JMJD6: variants seen among roughly 807,000 people sequenced by gnomAD.
The protein encoded by JMJD6 is bifunctional arginine demethylase and lysyl-hydroxylase JMJD6.
JMJD6 carries 17 observed loss-of-function variants against 45.8 expected under a neutral mutation model. That is an observed-to-expected ratio of 0.37 (90% CI 0.25 to 0.56). The LOEUF (loss-of-function observed/expected upper bound fraction) is 0.56, where lower values mean the gene tolerates loss of function less well. Among genes scored for constraint, JMJD6 ranks in the 20% least tolerant of loss-of-function variants. JMJD6 has a pLI of 0.79. For missense variants in JMJD6, 470 were observed against 517.5 expected (o/e 0.91, Z 0.89); for synonymous variants, 221 against 196.3 (o/e 1.13, Z -1.05).
chr17:76,721,179 TC>T, intron 4 of JMJD6: 1 of 247,976 alleles, frequency 4.0e-6, no homozygotes, highest in Non-Finnish European at 8.9e-6. Flanking sequence ...TGCCCAAGAG[TC>T]CAGGGAGAAC....
chr17:76,720,535 A>G (rs775736690), intron 4 of JMJD6, 37 bp from the exon 5 acceptor site: 2 of 1,606,646 alleles, frequency 1.2e-6, no homozygotes, highest in South Asian at 1.1e-5. Context: ...GTGCACTGAC[A>G]GCCATACCCA....
intron 4 of JMJD6, chr17:76,721,458 A>G: frequency 3.2e-6 from 1 of 310,516 alleles, no homozygotes. Context: ...GGTAAGAAAA[A>G]GAAACAACCC....
rs1373290967 is a variant in JMJD6, at chr17:76,721,953, C to T, written c.806-20G>A. 6.2e-7 allele frequency: 1 copy of T among 1,613,420 alleles called. No individual in the cohort carries two copies. The highest frequency in any genetic ancestry group is 8.5e-7 in the Non-Finnish European group (1 of 1,179,586). On this transcript the variant is annotated intron_variant, in intron 3 of 5. Transcript: ENST00000397625. ...AGCCTCCTGAAATCCAACAAATAAA[C>T]AGTTAAACAAGGTTTGATCCTATAC... is the stretch of plus-strand genomic sequence containing the variant.
intron 1 of JMJD6, 59 bp downstream of exon 1, chr17:76,726,288 G>C (rs1488180978): frequency 2.0e-6 from 3 of 1,513,408 alleles, no homozygotes; most frequent in African/African-American, 2.9e-5. Flanking sequence ...CCAGAGAAAG[G>C]TGCGTAGCGG....
At chr17:76,720,878 TCTTTC>T (rs2076815410) in intron 4 of JMJD6, among the ~76,000 whole-genome samples, 1 of 152,212 alleles carries the variant, frequency 6.6e-6, no homozygotes, top group Non-Finnish European at 1.5e-5. Context: ...TTTAAAAAAA[TCTTTC>T]CTTTCCACAG....
At chr17:76,718,932 A>C (rs1251782774) in intron 5 of JMJD6, 72 bp from the exon 6 acceptor site, 58 of 1,454,766 alleles carry the variant, frequency 4.0e-5, no homozygotes, top group Non-Finnish European at 9.4e-7. Flanking sequence ...CAAACCTCTG[A>C]CCTCGGGAGA....
At chr17:76,724,587 T>C (rs1467540220) in intron 2 of JMJD6, among the ~76,000 whole-genome samples, 1 of 151,224 alleles carries the variant, frequency 6.6e-6, no homozygotes, top group Non-Finnish European at 1.5e-5. Flanking sequence ...GAGGCAGAGG[T>C]GGGTGCATCA....
chr17:76,724,203 C>T, intron 2 of JMJD6, 145 bp from the exon 3 acceptor site: 3 of 832,236 alleles, frequency 3.6e-6, no homozygotes, highest in South Asian at 1.8e-5. Flanking sequence ...TGACAGTAAC[C>T]TCTGCTTCCC....
downstream of JMJD6, chr17:76,716,493 A>C (rs2076765109): frequency 5.2e-6 from 3 of 578,530 alleles, no homozygotes; most frequent in South Asian, 4.4e-5. Context: ...CGAGCTGTTA[A>C]ATTTCTTGAT....
At position 76,721,981 on chromosome 17, in the gene JMJD6, A is replaced by T. The variant is rs7224225; in HGVS notation, c.806-48T>A. Reference sequence around the variant, plus strand: ...TTAAACAAGGTTTGATCCTATACCTAATTACTGTATAACACACACACCAGA... The same window carrying T: ...TTAAACAAGGTTTGATCCTATACCTTATTACTGTATAACACACACACCAGA... On this transcript the variant is annotated intron_variant, in intron 3 of 5. Coordinates refer to ENST00000397625, the MANE Select transcript of JMJD6 (RefSeq NM_015167.3). 0.01 allele frequency: 16,358 copies of T among 1,602,622 alleles called. 916 individuals are homozygous for T. In the African/African-American group the frequency reaches 0.15, roughly 15 times the overall value.
chr17:76,720,702 G>A, intron 4 of JMJD6: 1 of 497,064 alleles, frequency 2.0e-6, no homozygotes, highest in Admixed American at 3.2e-5. Flanking sequence ...TTTTCTGCAA[G>A]GAAAATTATA....
At chr17:76,725,302 A>C (rs1158622403) in intron 2 of JMJD6, among the ~76,000 whole-genome samples, 165 bp downstream of exon 2, 2 of 144,750 alleles carry the variant, frequency 1.4e-5, no homozygotes, top group East Asian at 4.3e-4. Flanking sequence ...CAGTTACAGG[A>C]GGCTGAGGCA....
Position 76,723,755 on chromosome 17 carries a change from T to C in JMJD6, c.805+17A>G, listed in dbSNP as rs1353275103. 1 of 1,609,794 alleles carries C rather than the reference T, an allele frequency of 6.2e-7. No homozygotes were observed. Among genetic ancestry groups the C allele is most frequent in the African/African-American group, 1.3e-5 (1 of 74,764 alleles). ...CGCGCCCGGCAAAGAATGTACTTTC[T>C]TCCAGTTCATCTATACCTGGTACAA... is the stretch of plus-strand genomic sequence containing the variant. On this transcript the variant is annotated intron_variant, in intron 3 of 5. Coordinates refer to ENST00000397625, the MANE Select transcript of JMJD6 (RefSeq NM_015167.3).
chr17:76,721,011 G>T (rs2076817214), intron 4 of JMJD6, among the ~76,000 whole-genome samples: 2 of 152,214 alleles, frequency 1.3e-5, no homozygotes, highest in Admixed American at 1.3e-4. Flanking sequence ...CTCACTGGGA[G>T]CGTAAAACTG....
Position 76,723,996 on chromosome 17 carries a change from C to T in JMJD6, c.581G>A (p.Ser194Asn), listed in dbSNP as rs1225235808. 2.5e-6 allele frequency: 4 copies of T among 1,614,194 alleles called. No individual in the cohort carries two copies. Among genetic ancestry groups the T allele is most frequent in the Non-Finnish European group, 3.4e-6 (4 of 1,180,042 alleles). ...TGIHIDPLGT[S>N]AWNALVQGHK... ...GCCCTGAACTAAGGCATTCCAGGCACTGGTTCCCAGAGGGTCGATGTGAAT... is the reference window on the plus strand; with the variant it reads ...GCCCTGAACTAAGGCATTCCAGGCATTGGTTCCCAGAGGGTCGATGTGAAT... The change falls in exon 3 of 6, where the codon AGT becomes AAT. Residue 194 changes from serine (S) to asparagine (N), a missense_variant. Physicochemically the swap from Ser to Asn is conservative, Grantham distance 46. Around this residue, in one of 4 missense-constraint regions of JMJD6, gnomAD observed 346 missense variants for 339.5 expected, o/e 1.02. Coordinates refer to ENST00000397625, the MANE Select transcript of JMJD6 (RefSeq NM_015167.3).
downstream of JMJD6, among the ~76,000 whole-genome samples, chr17:76,717,920 G>C (rs983140357): frequency 2.0e-5 from 3 of 151,836 alleles, no homozygotes; most frequent in Admixed American, 6.6e-5. Flanking sequence ...GAACCTGGGA[G>C]GTAGAGGTTA....
At chr17:76,724,302 A>G (rs907969672) in intron 2 of JMJD6, among the ~76,000 whole-genome samples, 13 of 151,718 alleles carry the variant, frequency 8.6e-5, no homozygotes, top group Non-Finnish European at 2.9e-5. Flanking sequence ...TTGTATTTTT[A>G]GTAGAGACAG....
chr17:76,715,495 C>G (rs1363920463), downstream of JMJD6: 1 of 152,238 alleles, frequency 6.6e-6, no homozygotes, highest in Non-Finnish European at 1.5e-5. Flanking sequence ...CTGTTAATAA[C>G]AGTGAGCAGA....
At chr17:76,716,354 T>A (rs2076764175), downstream of JMJD6, 1 of 274,000 alleles carries the variant, frequency 3.6e-6, no homozygotes, top group Admixed American at 4.9e-5. Context: ...ATCCGTGAGG[T>A]AACAGACACA....
Sources: allele counts gnomAD v4.1 joint callset (sites outside exome capture counted in the v4.1 genomes callset), GRCh38; gene constraint gnomAD v4.1.1; regional missense constraint gnomAD v4.1.1; transcripts MANE v1.5; gene names NCBI Gene and HGNC (gene_info 2026-07-23, HGNC 2026-07-21).